CNTNAP2: variants seen among roughly 807,000 people sequenced by gnomAD.
The protein encoded by CNTNAP2 is contactin associated protein 2, also known as contactin-associated protein-like 2.
CNTNAP2 carries 98 observed loss-of-function variants against 155.2 expected under a neutral mutation model. The ratio of observed to expected loss-of-function variants is 0.63; its 90% CI spans 0.54 to 0.75. The LOEUF (loss-of-function observed/expected upper bound fraction) is 0.75, where lower values mean the gene tolerates loss of function less well. CNTNAP2 is among the 30% of genes least tolerant of loss of function. CNTNAP2 has a pLI of 0.00. For missense variants in CNTNAP2, 1,727 were observed against 1,688.1 expected (o/e 1.02, Z -0.40); for synonymous variants, 651 against 631.2 (o/e 1.03, Z -0.47).
chr7:146,149,562 C>G (rs1255473485), intron 1 of CNTNAP2, among the ~76,000 whole-genome samples: 2 of 151,882 alleles, frequency 1.3e-5, no homozygotes, highest in East Asian at 3.9e-4. Context: ...AACAAATAGA[C>G]TAAAAGAACA....
At chr7:146,491,605 C>T (rs1038708547) in intron 1 of CNTNAP2, among the ~76,000 whole-genome samples, 9 of 152,014 alleles carry the variant, frequency 5.9e-5, no homozygotes, top group East Asian at 3.9e-4. Flanking sequence ...TTTGTCACTT[C>T]GGTAATTGGA....
intron 3 of CNTNAP2, among the ~76,000 whole-genome samples, chr7:146,859,035 A>T (rs1029620444): frequency 1.2e-4 from 18 of 152,308 alleles, no homozygotes; most frequent in Middle Eastern, 3.4e-3. Context: ...CTGACACTAT[A>T]TGTTGACTCA....
intron 11 of CNTNAP2, among the ~76,000 whole-genome samples, chr7:147,556,159 T>C (rs966694217): frequency 2.0e-5 from 3 of 152,186 alleles, no homozygotes; most frequent in African/African-American, 7.2e-5. Context: ...TTAAAGTCAG[T>C]ATGAAAATTT....
At chr7:147,841,647 G>T (rs1270657672) in intron 13 of CNTNAP2, among the ~76,000 whole-genome samples, 1 of 152,218 alleles carries the variant, frequency 6.6e-6, no homozygotes, top group Non-Finnish European at 1.5e-5. Flanking sequence ...GATATGAATA[G>T]GTCATCCAGG....
chr7:148,061,954 TATAGA>T (rs1803152041), intron 15 of CNTNAP2, among the ~76,000 whole-genome samples: 1 of 95,944 alleles, frequency 1.0e-5, no homozygotes, highest in African/African-American at 4.1e-5. Context: ...GATAAACAGA[TATAGA>T]TAGATAGATA....
chr7:146,974,474 G>C (rs1175619096), intron 3 of CNTNAP2, among the ~76,000 whole-genome samples: 2 of 151,788 alleles, frequency 1.3e-5, no homozygotes, highest in African/African-American at 2.4e-5. Context: ...AAAAAATAAA[G>C]TCAGTTACTT....
intron 8 of CNTNAP2, among the ~76,000 whole-genome samples, chr7:147,213,024 G>GAT (rs1470965495): frequency 1.3e-5 from 2 of 151,950 alleles, no homozygotes; most frequent in Non-Finnish European, 1.5e-5. Context: ...AACAGAATGG[G>GAT]ATATATATAC....
intron 21 of CNTNAP2, among the ~76,000 whole-genome samples, chr7:148,304,803 C>T (rs890856994): frequency 1.3e-5 from 2 of 152,132 alleles, no homozygotes; most frequent in Non-Finnish European, 2.9e-5. Context: ...TCCATGGCCT[C>T]CTCCCCTCCA....
intron 15 of CNTNAP2, among the ~76,000 whole-genome samples, chr7:147,991,757 G>T (rs1801714139): frequency 6.6e-6 from 1 of 152,082 alleles, no homozygotes; most frequent in African/African-American, 2.4e-5. Flanking sequence ...ATGTCTCAAG[G>T]TTATTACTGA....
At chr7:147,572,355 G>A (rs966526789) in intron 12 of CNTNAP2, among the ~76,000 whole-genome samples, 1 of 148,524 alleles carries the variant, frequency 6.7e-6, no homozygotes, top group African/African-American at 2.6e-5. Context: ...TACACCACAG[G>A]AGAGGACCCA....
intron 1 of CNTNAP2, among the ~76,000 whole-genome samples, chr7:146,720,659 T>C (rs1370489764): frequency 6.6e-6 from 1 of 151,982 alleles, no homozygotes; most frequent in Non-Finnish European, 1.5e-5. Flanking sequence ...TGGAGTATCT[T>C]ACTTCCATTT....
At chr7:146,149,783 G>C (rs1798009758) in intron 1 of CNTNAP2, among the ~76,000 whole-genome samples, 1 of 149,930 alleles carries the variant, frequency 6.7e-6, no homozygotes, top group Non-Finnish European at 1.5e-5. Context: ...AAAATCTTAA[G>C]CTCAAAAGTT....
chr7:146,533,938 T>A (rs1290141387), intron 1 of CNTNAP2, among the ~76,000 whole-genome samples: 1 of 152,118 alleles, frequency 6.6e-6, no homozygotes, highest in Admixed American at 6.6e-5. Flanking sequence ...AACATAAATA[T>A]TAAAGTTAAG....
chr7:146,672,455 C>A lies in CNTNAP2; in HGVS notation c.98-101816C>A, dbSNP rs148637170. On this transcript the variant is annotated intron_variant, in intron 1 of 23. Coordinates refer to ENST00000361727, the MANE Select transcript of CNTNAP2 (RefSeq NM_014141.6). The stretch of plus-strand genomic sequence containing the variant: ...CATGCCTATAGAAGTCATTCAGTGC[C>A]ATCTCTGCATCTGCATGCATTCTCT... Among the ~76,000 whole-genome samples the A allele has an allele frequency of 5.3e-5, 8 of 152,268 alleles. No homozygotes were observed. The East Asian group carries it at 1.5e-3, about 29-fold the overall frequency.
At chr7:147,290,005 G>A (rs773546643) in intron 8 of CNTNAP2, among the ~76,000 whole-genome samples, 9 of 152,074 alleles carry the variant, frequency 5.9e-5, no homozygotes, top group East Asian at 1.9e-4. Context: ...GATTCTCATC[G>A]TTCTCATTAG....
In CNTNAP2 at chr7:148,419,101, C is replaced by CT. The variant is rs937378294; in HGVS notation, c.*3491dup. ...ATGGAATCTGTTCTTTTCTATCCTA[C>CT]TTTTTTCTCTCTTCCTCTCCTCACC... On this transcript the variant is annotated 3_prime_UTR_variant, in exon 24 of 24. Transcript: ENST00000361727. 2.0e-5 allele frequency: 3 copies of CT among 152,194 alleles called. No homozygotes were observed. The highest frequency in any genetic ancestry group is 4.4e-5 in the Non-Finnish European group (3 of 68,058). 9.4% of individuals were successfully genotyped at this position (152,194 alleles called of 1,614,324 possible).
chr7:146,787,479 G>A (rs1339563834), intron 2 of CNTNAP2, among the ~76,000 whole-genome samples: 1 of 152,138 alleles, frequency 6.6e-6, no homozygotes, highest in East Asian at 1.9e-4. Context: ...GCTCTTAAAG[G>A]CTGCACGTCT....
intron 1 of CNTNAP2, among the ~76,000 whole-genome samples, chr7:146,283,369 CGTTTT>C (rs774569048): frequency 2.0e-5 from 3 of 151,928 alleles, no homozygotes; most frequent in African/African-American, 7.3e-5. Context: ...TTCTGTTTTT[CGTTTT>C]GTTTTGTTTT....
intron 1 of CNTNAP2, among the ~76,000 whole-genome samples, chr7:146,654,733 C>T (rs1016747928): frequency 6.6e-6 from 1 of 152,062 alleles, no homozygotes; most frequent in South Asian, 2.1e-4. Flanking sequence ...GAAATAATGT[C>T]TTTGGCTTGT....
Sources: allele counts gnomAD v4.1 joint callset (sites outside exome capture counted in the v4.1 genomes callset), GRCh38; gene constraint gnomAD v4.1.1; transcripts MANE v1.5; gene names NCBI Gene and HGNC (gene_info 2026-07-23, HGNC 2026-07-21).